PPM1H: variants seen among roughly 807,000 people sequenced by gnomAD.
The protein encoded by PPM1H is protein phosphatase 1H.
PPM1H carries 27 observed loss-of-function variants against 54.9 expected under a neutral mutation model. The observed-to-expected ratio is 0.49, with a 90% CI of 0.36 to 0.68. The LOEUF (loss-of-function observed/expected upper bound fraction) is 0.68. Ranked by LOEUF, PPM1H falls within the 30% of genes least tolerant of loss-of-function variation. The pLI, the probability that PPM1H is intolerant of heterozygous loss-of-function variation, is 0.00. For synonymous variants in PPM1H, 305 were observed against 270.8 expected, an observed-to-expected ratio of 1.13 and a Z score of -1.24; for missense variants, 596 against 667.8, an observed-to-expected ratio of 0.89 and a Z score of 1.19.
chr12:62,925,370 G>A (rs981799181), intron 1 of PPM1H, among the ~76,000 whole-genome samples: 2 of 152,090 alleles, frequency 1.3e-5, no homozygotes, highest in Non-Finnish European at 2.9e-5. Context: ...CTTGAGGCCA[G>A]GAGTTCAAGA....
intron 8 of PPM1H, among the ~76,000 whole-genome samples, chr12:62,670,927 T>A (rs1423334114): frequency 6.6e-6 from 1 of 152,200 alleles, no homozygotes; most frequent in Non-Finnish European, 1.5e-5. Context: ...TTACAACTCG[T>A]GTCCTATACA....
rs1281887572 is a variant in PPM1H at position 62,740,006 on chromosome 12, CCT to C, written c.870-2422_870-2421del. Among the ~76,000 whole-genome samples the C allele has an allele frequency of 3.9e-5, 6 of 152,310 alleles. No individual in the cohort carries two copies. In the East Asian group the frequency reaches 1.2e-3, roughly 29 times the overall value. ...GTTACTCCCACTCCTGTATTTCTGA[CCT>C]CTCTTTCCACTGGATCTCTGCCCAT... On this transcript the variant is annotated intron_variant, in intron 4 of 9. Coordinates refer to ENST00000228705, the MANE Select transcript of PPM1H (RefSeq NM_020700.2).
chr12:62,766,486 C>T (rs1174273007), intron 4 of PPM1H, among the ~76,000 whole-genome samples: 1 of 152,012 alleles, frequency 6.6e-6, no homozygotes, highest in Non-Finnish European at 1.5e-5. Context: ...ACAAATGCTT[C>T]CTAACAGGCA....
chr12:62,690,723 GCACTT>G (rs2076078131), intron 7 of PPM1H, among the ~76,000 whole-genome samples: 1 of 152,186 alleles, frequency 6.6e-6, no homozygotes, highest in Non-Finnish European at 1.5e-5. Context: ...TGTAATCCCA[GCACTT>G]TGGGAGGCTG....
At chr12:62,849,309 A>T (rs1410916943) in intron 1 of PPM1H, among the ~76,000 whole-genome samples, 1 of 152,236 alleles carries the variant, frequency 6.6e-6, no homozygotes, top group Admixed American at 6.5e-5. Flanking sequence ...ACACTTGTAA[A>T]TACTTGTGAT....
At chr12:62,911,205 G>A (rs1223852181) in intron 1 of PPM1H, among the ~76,000 whole-genome samples, 1 of 152,108 alleles carries the variant, frequency 6.6e-6, no homozygotes, top group Non-Finnish European at 1.5e-5. Context: ...GTCTGAGTGG[G>A]GCTAGCAAAA....
intron 1 of PPM1H, among the ~76,000 whole-genome samples, chr12:62,927,251 T>C (rs1476959957): frequency 6.6e-6 from 1 of 152,202 alleles, no homozygotes; most frequent in Non-Finnish European, 1.5e-5. Flanking sequence ...CTGAATGAGC[T>C]GAAGAAAACA....
intron 1 of PPM1H, among the ~76,000 whole-genome samples, chr12:62,846,202 A>C (rs1238520735): frequency 2.6e-5 from 4 of 152,198 alleles, no homozygotes; most frequent in Non-Finnish European, 5.9e-5. Flanking sequence ...TTTCAGGATA[A>C]AATTTAAACT....
At chr12:62,907,721 A>G (rs1315357441) in intron 1 of PPM1H, among the ~76,000 whole-genome samples, 1 of 152,182 alleles carries the variant, frequency 6.6e-6, no homozygotes, top group Non-Finnish European at 1.5e-5. Context: ...CTGTACCAAA[A>G]AGAGGAACTC....
chr12:62,694,530 C>T (rs983577190), intron 6 of PPM1H, among the ~76,000 whole-genome samples: 10 of 152,182 alleles, frequency 6.6e-5, no homozygotes, highest in Non-Finnish European at 1.5e-4. Flanking sequence ...TAAATAGCCA[C>T]TCAATACACA....
intron 4 of PPM1H, among the ~76,000 whole-genome samples, chr12:62,785,692 G>A (rs1348229124): frequency 6.6e-6 from 1 of 152,120 alleles, no homozygotes; most frequent in Non-Finnish European, 1.5e-5. Flanking sequence ...TCTGGAAATT[G>A]GCACCTAAGT....
chr12:62,794,372 C>T (rs1021701125), intron 3 of PPM1H, among the ~76,000 whole-genome samples: 3 of 152,202 alleles, frequency 2.0e-5, no homozygotes, highest in Admixed American at 1.3e-4. Flanking sequence ...ATAAACTTTG[C>T]CCCCTTTTTG....
intron 9 of PPM1H, among the ~76,000 whole-genome samples, chr12:62,657,940 T>C (rs1224317407): frequency 6.6e-6 from 1 of 151,814 alleles, no homozygotes; most frequent in Non-Finnish European, 1.5e-5. Context: ...ATTAGAGACA[T>C]ACTCTGTAGG....
At chr12:62,839,365 G>A (rs144061784) in intron 1 of PPM1H, among the ~76,000 whole-genome samples, 1,619 of 152,240 alleles carry the variant, frequency 0.011, 26 homozygotes, top group African/African-American at 0.037. Flanking sequence ...TCCACAAAGT[G>A]TTCATTAAAA....
intron 4 of PPM1H, among the ~76,000 whole-genome samples, chr12:62,781,739 T>G (rs773915381): frequency 6.6e-6 from 1 of 152,160 alleles, no homozygotes; most frequent in African/African-American, 2.4e-5. Context: ...GAGAGGAAGG[T>G]CAGAGAGAGA....
At chr12:62,694,426 T>C (rs2076102322) in intron 6 of PPM1H, among the ~76,000 whole-genome samples, 2 of 152,254 alleles carry the variant, frequency 1.3e-5, no homozygotes, top group Non-Finnish European at 2.9e-5. Flanking sequence ...AACAGCCTTG[T>C]ATTGGGATGG....
At chr12:62,717,445 C>T (rs1219561563) in intron 6 of PPM1H, among the ~76,000 whole-genome samples, 8 of 148,148 alleles carry the variant, frequency 5.4e-5, no homozygotes, top group Non-Finnish European at 1.0e-4. Flanking sequence ...TAGGACCATG[C>T]TAATGCAGAG....
intron 2 of PPM1H, among the ~76,000 whole-genome samples, chr12:62,808,559 G>A (rs190800888): frequency 9.2e-5 from 14 of 152,050 alleles, no homozygotes; most frequent in East Asian, 3.9e-4. Context: ...CCAGTTTGCC[G>A]TCTCTGATTG....
intron 1 of PPM1H, among the ~76,000 whole-genome samples, chr12:62,896,394 A>C (rs1232517320): frequency 6.6e-6 from 1 of 152,188 alleles, no homozygotes; most frequent in East Asian, 1.9e-4. Flanking sequence ...AACTTAAACA[A>C]ATTTACAAGA....
Sources: gnomAD v4.1 joint callset for allele counts (sites outside exome capture counted in the v4.1 genomes callset) on GRCh38, gnomAD v4.1.1 for gene constraint, MANE v1.5 for transcripts, NCBI Gene and HGNC (gene_info 2026-07-23, HGNC 2026-07-21) for gene names.